The following ZSWIM5 variants were observed in gnomAD, a reference collection of about 807,000 sequenced individuals.
ZSWIM5 encodes the protein zinc finger SWIM domain-containing protein 5.
A neutral mutation model predicts 119.6 loss-of-function variants in ZSWIM5; 55 were observed. The ratio of observed to expected loss-of-function variants is 0.46; its 90% confidence interval spans 0.37 to 0.58. The LOEUF is 0.58. Among genes scored for constraint, ZSWIM5 ranks in the 20% least tolerant of loss-of-function variants. The pLI, the probability that ZSWIM5 is intolerant of heterozygous loss-of-function variation, is 0.00. For synonymous variants in ZSWIM5, 537 were observed against 606.9 expected (o/e 0.88, Z 1.69); for missense variants, 1,193 against 1,512.8 (o/e 0.79, Z 3.51).
At chr1:45,098,010 T>C (rs919732651) in intron 1 of ZSWIM5, among the ~76,000 whole-genome samples, 2 of 152,208 alleles carry the variant, frequency 1.3e-5, no homozygotes, top group Non-Finnish European at 2.9e-5. Context: ...TCCAGAATTC[T>C]GTAGAATAAG....
At chr1:45,096,840 C>T (rs1645406439) in intron 1 of ZSWIM5, among the ~76,000 whole-genome samples, 1 of 152,192 alleles carries the variant, frequency 6.6e-6, no homozygotes, top group Non-Finnish European at 1.5e-5. Flanking sequence ...CTGGCTGTGA[C>T]ATCTCTGCTT....
chr1:45,089,688 C>T (rs1159660777), intron 1 of ZSWIM5, among the ~76,000 whole-genome samples: 1 of 152,156 alleles, frequency 6.6e-6, no homozygotes, highest in African/African-American at 2.4e-5. Flanking sequence ...AACCCACAGA[C>T]ATGCTTAGTG....
intron 1 of ZSWIM5, among the ~76,000 whole-genome samples, chr1:45,135,126 T>C (rs1299252683): frequency 6.8e-6 from 1 of 148,094 alleles, no homozygotes. Flanking sequence ...TAATTCTGTT[T>C]TTTTTTTTTT....
intron 1 of ZSWIM5, among the ~76,000 whole-genome samples, chr1:45,175,844 C>A (rs1313175569): frequency 6.6e-6 from 1 of 151,172 alleles, no homozygotes; most frequent in Non-Finnish European, 1.5e-5. Context: ...TATTTTGACA[C>A]TCAATTCATC....
rs1646023177 is a variant in ZSWIM5, at chr1:45,182,101, T to G, written c.595+23655A>C. 4.6e-5 allele frequency among the ~76,000 whole-genome samples: 7 copies of G among 152,162 alleles called. No homozygotes were observed. In the South Asian group the frequency reaches 1.5e-3, roughly 32 times the overall value. On this transcript the variant is annotated intron_variant, in intron 1 of 13. Transcript: ENST00000359600. Reference sequence around the variant, plus strand: ...TAACAATATTAACTTTAAATGTAAATGGACTAAATGCTCCAATTAAAAGAC... The same window carrying G: ...TAACAATATTAACTTTAAATGTAAAGGGACTAAATGCTCCAATTAAAAGAC...
At chr1:45,120,453 T>C (rs1024941192) in intron 1 of ZSWIM5, among the ~76,000 whole-genome samples, 3 of 151,350 alleles carry the variant, frequency 2.0e-5, no homozygotes, top group African/African-American at 7.3e-5. Flanking sequence ...TTCAGTTCTC[T>C]ATCTTACTCC....
chr1:45,070,515 G>T, intron 2 of ZSWIM5: 3 of 648,226 alleles, frequency 4.6e-6, no homozygotes, highest in Non-Finnish European at 7.4e-6. Context: ...CATCAAATTT[G>T]TAATATTCAT....
intron 8 of ZSWIM5, 82 bp from the exon 9 acceptor site, chr1:45,036,381 G>A (rs1282373826): frequency 6.7e-7 from 1 of 1,493,230 alleles, no homozygotes; most frequent in African/African-American, 1.5e-5. Flanking sequence ...TTGAGACAGA[G>A]TCTTGCTCTG....
At chr1:45,104,924 T>TA (rs1645460909) in intron 1 of ZSWIM5, among the ~76,000 whole-genome samples, 1 of 152,246 alleles carries the variant, frequency 6.6e-6, no homozygotes, top group Admixed American at 6.5e-5. Flanking sequence ...GGTATTCACT[T>TA]ACAGCGATAA....
At chr1:45,049,287 C>G (rs1038208449) in intron 5 of ZSWIM5, among the ~76,000 whole-genome samples, 1 of 152,004 alleles carries the variant, frequency 6.6e-6, no homozygotes, top group East Asian at 1.9e-4. Flanking sequence ...AGTTTGATGG[C>G]AGAAACTTAA....
chr1:45,131,998 G>A (rs142841604), intron 1 of ZSWIM5, among the ~76,000 whole-genome samples: 31 of 150,506 alleles, frequency 2.1e-4, no homozygotes, highest in African/African-American at 6.6e-4. Context: ...GAAACTTGAC[G>A]GATACTAAGG....
Position 45,096,434 on chromosome 1 carries a change from T to TTGTGTGTGTGTG in ZSWIM5, c.596-8209_596-8198dup, listed in dbSNP as rs112308838. 4.6e-3 allele frequency among the ~76,000 whole-genome samples: 662 copies of TTGTGTGTGTGTG among 144,426 alleles called. 4 individuals carry two copies. The highest frequency in any genetic ancestry group is 6.8e-3 in the Non-Finnish European group (446 of 65,444). 94.7% of individuals were successfully genotyped at this position (144,426 alleles called of 152,430 possible). ...GATGGTGGACCTGGTAGATAACTGT[T>TTGTGTGTGTGTG]TGTGTGTGTGTGTGTGTGTGTGTGT... is the stretch of plus-strand genomic sequence containing the variant. On this transcript the variant is annotated intron_variant, in intron 1 of 13. Coordinates refer to ENST00000359600, the MANE Select transcript of ZSWIM5 (RefSeq NM_020883.2).
intron 1 of ZSWIM5, among the ~76,000 whole-genome samples, chr1:45,199,687 A>C (rs762475129): frequency 3.9e-5 from 6 of 152,180 alleles, no homozygotes; most frequent in African/African-American, 7.2e-5. Context: ...ACCAAAAAAC[A>C]TGTATCCAAG....
intron 1 of ZSWIM5, among the ~76,000 whole-genome samples, chr1:45,139,598 G>A (rs1645714742): frequency 6.8e-6 from 1 of 146,804 alleles, no homozygotes; most frequent in Admixed American, 6.9e-5. Flanking sequence ...CCTCCTGTTT[G>A]AGCCTCCTGA....
chr1:45,182,324 A>C (rs1468834463), intron 1 of ZSWIM5, among the ~76,000 whole-genome samples: 1 of 151,852 alleles, frequency 6.6e-6, no homozygotes, highest in African/African-American at 2.4e-5. Flanking sequence ...GAATGGCGTG[A>C]ACCCAGAAGG....
intron 1 of ZSWIM5, among the ~76,000 whole-genome samples, chr1:45,136,629 A>G (rs1326152280): frequency 6.6e-6 from 1 of 152,124 alleles, no homozygotes; most frequent in Non-Finnish European, 1.5e-5. Flanking sequence ...GTTATTGTAT[A>G]TGGAAAACTG....
intron 2 of ZSWIM5, among the ~76,000 whole-genome samples, chr1:45,061,178 C>G (rs1281055017): frequency 6.6e-6 from 1 of 152,108 alleles, no homozygotes; most frequent in Non-Finnish European, 1.5e-5. Context: ...CCAGTTGAAT[C>G]CAAAGCTGTA....
intron 1 of ZSWIM5, among the ~76,000 whole-genome samples, chr1:45,105,237 C>G (rs1645463047): frequency 6.6e-6 from 1 of 152,218 alleles, no homozygotes; most frequent in South Asian, 2.1e-4. Flanking sequence ...CAGACGGAGT[C>G]TCGCTCACTC....
chr1:45,140,111 A>T (rs991894681), intron 1 of ZSWIM5, among the ~76,000 whole-genome samples: 11 of 152,222 alleles, frequency 7.2e-5, no homozygotes, highest in African/African-American at 2.7e-4. Flanking sequence ...TGCTGTGATA[A>T]GGTACTAATA....
Sources: gnomAD v4.1 joint callset for allele counts (sites outside exome capture counted in the v4.1 genomes callset) on GRCh38, gnomAD v4.1.1 for gene constraint, MANE v1.5 for transcripts, NCBI Gene and HGNC (gene_info 2026-07-23, HGNC 2026-07-21) for gene names.